The following ADAMTSL1 variants were observed in gnomAD, a reference collection of about 807,000 sequenced individuals.
ADAMTSL1 encodes ADAMTS like 1.
ADAMTSL1 carries 126 observed loss-of-function variants against 201.8 expected under a neutral mutation model. The observed-to-expected ratio is 0.62, with a 90% confidence interval of 0.54 to 0.72. ADAMTSL1 has a LOEUF of 0.72. Among genes scored for constraint, ADAMTSL1 ranks in the 30% least tolerant of loss-of-function variants. The pLI is 0.00. For missense variants in ADAMTSL1, 2,679 were observed against 2,277.8 expected, an observed-to-expected ratio of 1.18 and a Z score of -3.59; for synonymous variants, 1,121 against 903.4, an observed-to-expected ratio of 1.24 and a Z score of -4.32.
intron 2 of ADAMTSL1, among the ~76,000 whole-genome samples, chr9:18,333,316 T>C (rs772360409): frequency 2.0e-5 from 3 of 152,102 alleles, no homozygotes; most frequent in African/African-American, 7.2e-5. Context: ...GTTCTCATGA[T>C]AGTGAGTTCT....
chr9:18,123,125 A>G (rs1373287683), intron 1 of ADAMTSL1, among the ~76,000 whole-genome samples: 1 of 152,168 alleles, frequency 6.6e-6, no homozygotes, highest in Non-Finnish European at 1.5e-5. Context: ...ATCCACTTAC[A>G]TTGAATTTAA....
intron 2 of ADAMTSL1, among the ~76,000 whole-genome samples, chr9:18,168,979 T>C (rs1457987620): frequency 6.6e-6 from 1 of 150,844 alleles, no homozygotes; most frequent in Non-Finnish European, 1.5e-5. Flanking sequence ...GGTTGTTTGT[T>C]TTTTCTTGTA....
chr9:18,529,236 G>T (rs75432396), intron 2 of ADAMTSL1, among the ~76,000 whole-genome samples: 4 of 152,132 alleles, frequency 2.6e-5, no homozygotes, highest in African/African-American at 9.7e-5. Flanking sequence ...GTTCCAATGT[G>T]TATCTACCTA....
At chr9:18,690,920 A>G (rs1393562723) in intron 13 of ADAMTSL1, among the ~76,000 whole-genome samples, 1 of 152,192 alleles carries the variant, frequency 6.6e-6, no homozygotes, top group Non-Finnish European at 1.5e-5. Flanking sequence ...AGCTAAACTT[A>G]CCTATAAATC....
chr9:18,119,607 C>T (rs1314805220), intron 1 of ADAMTSL1, among the ~76,000 whole-genome samples: 2 of 152,054 alleles, frequency 1.3e-5, no homozygotes, highest in African/African-American at 2.4e-5. Context: ...TATGAGGTTG[C>T]TTTCCTTCTT....
At chr9:18,378,072 CTTCTTTCTTCCCT>C (rs1182652840) in intron 2 of ADAMTSL1, among the ~76,000 whole-genome samples, 1 of 152,188 alleles carries the variant, frequency 6.6e-6, no homozygotes, top group African/African-American at 2.4e-5. Context: ...GAAAAGGCAT[CTTCTTTCTTCCCT>C]TTCTTTCTCT....
At chr9:18,245,808 CTG>C (rs1319286844) in intron 2 of ADAMTSL1, among the ~76,000 whole-genome samples, 1 of 151,844 alleles carries the variant, frequency 6.6e-6, no homozygotes, top group East Asian at 1.9e-4. Flanking sequence ...ATTTACCACT[CTG>C]AGTTTTTAAA....
intron 4 of ADAMTSL1, among the ~76,000 whole-genome samples, chr9:18,619,116 A>T (rs1465747484): frequency 6.6e-6 from 1 of 152,162 alleles, no homozygotes; most frequent in East Asian, 1.9e-4. Context: ...TAGGCAAAAA[A>T]TAATAGCATG....
chr9:18,265,731 T>A (rs1832095695), intron 2 of ADAMTSL1, among the ~76,000 whole-genome samples: 1 of 152,218 alleles, frequency 6.6e-6, no homozygotes, highest in African/African-American at 2.4e-5. Context: ...TTTAAAATAA[T>A]CTTAAATAGA....
At chr9:17,962,977 G>A (rs114290680) in intron 1 of ADAMTSL1, among the ~76,000 whole-genome samples, 1,843 of 152,334 alleles carry the variant, frequency 0.012, 35 homozygotes, top group African/African-American at 0.043. Flanking sequence ...AGGGCTTGGG[G>A]CCAGGAGATA....
intron 23 of ADAMTSL1, among the ~76,000 whole-genome samples, chr9:18,873,771 C>T (rs1471491736): frequency 6.6e-6 from 1 of 152,030 alleles, no homozygotes; most frequent in Non-Finnish European, 1.5e-5. Flanking sequence ...CTTGCTTTGT[C>T]TATGTGGGCT....
At chr9:18,261,086 G>C (rs1355960646) in intron 2 of ADAMTSL1, among the ~76,000 whole-genome samples, 1 of 112,446 alleles carries the variant, frequency 8.9e-6, no homozygotes, top group Non-Finnish European at 1.8e-5. Flanking sequence ...TGTGGGGCGG[G>C]GGGTGGGGGA....
At chr9:18,289,929 T>C (rs1833183878) in intron 2 of ADAMTSL1, among the ~76,000 whole-genome samples, 1 of 152,086 alleles carries the variant, frequency 6.6e-6, no homozygotes, top group African/African-American at 2.4e-5. Flanking sequence ...TAGTGAGAAA[T>C]ACTGAGTTTT....
intron 2 of ADAMTSL1, among the ~76,000 whole-genome samples, chr9:18,314,778 C>A (rs1419526520): frequency 1.0e-5 from 1 of 97,120 alleles, no homozygotes; most frequent in Non-Finnish European, 2.1e-5. Context: ...CCTTCGGCAG[C>A]GTGCTTTTTT....
intron 15 of ADAMTSL1, among the ~76,000 whole-genome samples, chr9:18,724,584 G>A (rs1229568081): frequency 6.6e-6 from 1 of 152,174 alleles, no homozygotes; most frequent in East Asian, 1.9e-4. Flanking sequence ...TTTTCTGTTA[G>A]AAGAGTACTA....
intron 23 of ADAMTSL1, among the ~76,000 whole-genome samples, chr9:18,856,277 C>CTAAA (rs1362877318): frequency 6.6e-6 from 1 of 152,064 alleles, no homozygotes; most frequent in Non-Finnish European, 1.5e-5. Flanking sequence ...TTTTCAGGAT[C>CTAAA]TAAACATCTT....
rs1447292869 is a variant in ADAMTSL1 at position 18,178,870 on chromosome 9, C to T, written c.207+14889C>T. Among the ~76,000 whole-genome samples the T allele has an allele frequency of 2.0e-5, 3 of 151,966 alleles. No homozygotes were observed. The East Asian group carries it at 5.8e-4, about 29-fold the overall frequency. ...AGAAAGGACATCCACACCAAAAACC[C>T]ATTTGTACATCACCATCATCAAAGA... is the stretch of plus-strand genomic sequence containing the variant. On this transcript the variant is annotated intron_variant, in intron 2 of 29. Coordinates refer to the ADAMTSL1 transcript ENST00000680146.
intron 2 of ADAMTSL1, among the ~76,000 whole-genome samples, chr9:18,253,917 A>G (rs1318954520): frequency 6.6e-6 from 1 of 152,214 alleles, no homozygotes; most frequent in Non-Finnish European, 1.5e-5. Flanking sequence ...CTTTGATGAT[A>G]TACAACTTTT....
intron 1 of ADAMTSL1, among the ~76,000 whole-genome samples, chr9:18,055,431 T>G (rs1290969616): frequency 6.6e-6 from 1 of 152,208 alleles, no homozygotes; most frequent in African/African-American, 2.4e-5. Flanking sequence ...TGTCCTTTTG[T>G]GCATTAAAGT....
Sources: gnomAD v4.1 joint callset for allele counts (sites outside exome capture counted in the v4.1 genomes callset) on GRCh38, gnomAD v4.1.1 for gene constraint, MANE v1.5 for transcripts, NCBI Gene and HGNC (gene_info 2026-07-23, HGNC 2026-07-21) for gene names.